RAB30: variants seen among roughly 807,000 people sequenced by gnomAD.
RAB30 encodes ras-related protein Rab-30.
In RAB30, 9 loss-of-function variants were observed where a neutral mutation model predicts 25.1. The observed-to-expected ratio is 0.36, with a 90% CI of 0.22 to 0.63. The LOEUF is 0.63. RAB30 is among the 20% of genes least tolerant of loss of function. The probability of loss-of-function intolerance (pLI) is 0.69; values close to 1 mark genes in which losing one functional copy is unlikely to be tolerated. For missense variants in RAB30, 140 were observed against 243.5 expected (o/e 0.58, Z 2.83); for synonymous variants, 77 against 86.4 (o/e 0.89, Z 0.60).
intron 1 of RAB30, among the ~76,000 whole-genome samples, chr11:83,028,261 T>A (rs944988174): frequency 1.3e-5 from 2 of 152,008 alleles, no homozygotes; most frequent in African/African-American, 4.8e-5. Context: ...AAGGATTGAA[T>A]GATAAAATCG....
intron 1 of RAB30, among the ~76,000 whole-genome samples, chr11:83,050,265 A>G (rs1004093211): frequency 3.3e-5 from 5 of 152,060 alleles, no homozygotes; most frequent in Non-Finnish European, 5.9e-5. Flanking sequence ...TAAAAAAAAA[A>G]AAGACTTTAA....
Position 83,022,119 on chromosome 11 carries a change from A to C in RAB30, c.-8-24795T>G, listed in dbSNP as rs560226191. ...TGCTGGTACCAGTTGAACTGCATTA[A>C]ACTCATCCAAAGAGCTTCTTCTTAT... On this transcript the variant is annotated intron_variant, in intron 1 of 4. Transcript: ENST00000527633. 1.1e-4 allele frequency among the ~76,000 whole-genome samples: 16 copies of C among 152,178 alleles called. 1 individual carries two copies. Among genetic ancestry groups the C allele is most frequent in the African/African-American group, 3.9e-4 (16 of 41,530 alleles).
At chr11:83,051,339 G>T (rs953473236) in intron 1 of RAB30, among the ~76,000 whole-genome samples, 5 of 152,174 alleles carry the variant, frequency 3.3e-5, no homozygotes, top group Non-Finnish European at 7.3e-5. Context: ...GGGGCTGGTA[G>T]GGAAGTTACC....
At chr11:83,000,782 G>A (rs1056613991) in intron 1 of RAB30, among the ~76,000 whole-genome samples, 1 of 151,752 alleles carries the variant, frequency 6.6e-6, no homozygotes, top group Non-Finnish European at 1.5e-5. Flanking sequence ...GGCCGGGCGC[G>A]GTGGCTCACG....
In RAB30 at chr11:83,006,115, T is replaced by C. The variant is rs192620663; in HGVS notation, c.-8-8791A>G. Among the ~76,000 whole-genome samples, 230 of 152,286 alleles carry C rather than the reference T, an allele frequency of 1.5e-3. 1 individual carries two copies. The highest frequency in any genetic ancestry group is 4.7e-3 in the African/African-American group (197 of 41,546). ...TGACACTATGGAGAAATGGGGCACT[T>C]GTATACTACTGGTGGGAGGTAAATC... On this transcript the variant is annotated intron_variant, in intron 1 of 4. Coordinates refer to ENST00000527633, the MANE Select transcript of RAB30 (RefSeq NM_001286060.2).
chr11:83,012,273 A>G (rs576512421), intron 1 of RAB30, among the ~76,000 whole-genome samples: 2 of 152,332 alleles, frequency 1.3e-5, no homozygotes, highest in East Asian at 3.9e-4. Context: ...TTTAGAAATG[A>G]ACACTTGTAC....
intron 1 of RAB30, among the ~76,000 whole-genome samples, chr11:83,013,316 C>A (rs60662265): frequency 6.6e-6 from 1 of 152,092 alleles, no homozygotes. Context: ...AACTCCTGAC[C>A]TCAAGTGATT....
At position 82,987,526 on chromosome 11, in the gene RAB30, T is replaced by A; in HGVS notation, c.361+61A>T. 2.0e-6 allele frequency: 3 copies of A among 1,480,812 alleles called. No homozygotes were observed. The Admixed American group carries it at 5.6e-5, about 28-fold the overall frequency. 91.7% of individuals were successfully genotyped at this position (1,480,812 alleles called of 1,614,324 possible). A position where few individuals can be genotyped will look rare whatever the true frequency, so the allele number is the denominator to read the frequency against. The stretch of plus-strand genomic sequence containing the variant: ...GGAAGGCACCAATGTATAAGCTTTA[T>A]GTGATTATAAATCCTCTAATGCCCA... On this transcript the variant is annotated intron_variant, in intron 4 of 4. Transcript: ENST00000527633.
intron 1 of RAB30, among the ~76,000 whole-genome samples, chr11:83,026,951 C>T (rs1334685206): frequency 1.3e-5 from 2 of 152,074 alleles, no homozygotes; most frequent in African/African-American, 4.8e-5. Context: ...ACCACAGAAT[C>T]CTTAAAAAAC....
rs189215982 is a variant in RAB30 at position 83,031,556 on chromosome 11, T to C, written c.-8-34232A>G. Among the ~76,000 whole-genome samples the C allele has an allele frequency of 5.3e-3, 807 of 151,980 alleles. 8 individuals carry two copies. The highest frequency in any genetic ancestry group is 0.018 in the African/African-American group (762 of 41,430). On this transcript the variant is annotated intron_variant, in intron 1 of 4. Coordinates refer to ENST00000527633, the MANE Select transcript of RAB30 (RefSeq NM_001286060.2). ...TCTTTTTTTTTTTTGAGATGGAGTT[T>C]TGCTCTTCTTGGCCAGGCTGGAGTG...
intron 2 of RAB30, among the ~76,000 whole-genome samples, chr11:82,994,683 C>T (rs78521375): frequency 0.016 from 2,499 of 152,286 alleles, 85 homozygotes; most frequent in African/African-American, 0.058. Context: ...CTTTTTGGAT[C>T]TCCTGAAGCT....
At chr11:83,053,197 A>G (rs1311080463) in intron 1 of RAB30, among the ~76,000 whole-genome samples, 1 of 152,172 alleles carries the variant, frequency 6.6e-6, no homozygotes, top group Non-Finnish European at 1.5e-5. Flanking sequence ...GGAGCCTTAA[A>G]CCACTGTTTA....
chr11:83,003,840 C>T (rs1275029859), intron 1 of RAB30, among the ~76,000 whole-genome samples: 1 of 151,764 alleles, frequency 6.6e-6, no homozygotes, highest in Non-Finnish European at 1.5e-5. Context: ...ATGGTATTTT[C>T]CCAAAACCCA....
chr11:83,044,887 G>C (rs1275613369), intron 1 of RAB30, among the ~76,000 whole-genome samples: 1 of 152,120 alleles, frequency 6.6e-6, no homozygotes, highest in African/African-American at 2.4e-5. Flanking sequence ...CATACAGAGA[G>C]AATCTTCCAG....
intron 1 of RAB30, among the ~76,000 whole-genome samples, chr11:83,065,267 G>C (rs1350564880): frequency 6.6e-6 from 1 of 152,108 alleles, no homozygotes; most frequent in Non-Finnish European, 1.5e-5. Context: ...GTGCACACCT[G>C]TGGTCCCCAC....
rs902624811 is a variant in RAB30, at chr11:83,025,208, C to G, written c.-8-27884G>C. Among the ~76,000 whole-genome samples the G allele has an allele frequency of 5.9e-5, 9 of 152,306 alleles. No homozygotes were observed. The South Asian group carries it at 1.9e-3, about 32-fold the overall frequency. ...CAGCAATTTTTTAAAATTCTCCTGACATTTTATCAGAAGAGAAAAAGCAAT... is the reference window on the plus strand; with the variant it reads ...CAGCAATTTTTTAAAATTCTCCTGAGATTTTATCAGAAGAGAAAAAGCAAT... On this transcript the variant is annotated intron_variant, in intron 1 of 4. Transcript: ENST00000527633.
At chr11:83,067,098 C>G (rs967282104) in intron 1 of RAB30, among the ~76,000 whole-genome samples, 3 of 152,104 alleles carry the variant, frequency 2.0e-5, no homozygotes, top group African/African-American at 7.2e-5. Flanking sequence ...GTGTGGATGC[C>G]TCCCGCACCC....
At chr11:82,991,399 T>A (rs557800407) in intron 3 of RAB30, among the ~76,000 whole-genome samples, 1 of 148,140 alleles carries the variant, frequency 6.8e-6, no homozygotes, top group African/African-American at 2.5e-5. Flanking sequence ...CCCAGCTACT[T>A]GGGAGGCTGA....
At chr11:83,022,453 T>C (rs1857603622) in intron 1 of RAB30, among the ~76,000 whole-genome samples, 1 of 152,136 alleles carries the variant, frequency 6.6e-6, no homozygotes, top group African/African-American at 2.4e-5. Context: ...GCCACCGCAC[T>C]TGGTCCAAAG....
Sources: allele counts gnomAD v4.1 joint callset (sites outside exome capture counted in the v4.1 genomes callset), GRCh38; gene constraint gnomAD v4.1.1; transcripts MANE v1.5; gene names NCBI Gene and HGNC (gene_info 2026-07-23, HGNC 2026-07-21).